Variants in HELZ observed in about 807,000 individuals in gnomAD.
The protein encoded by HELZ is ATP-dependent RNA helicase with zinc finger domain.
A neutral mutation model predicts 218.2 loss-of-function variants in HELZ; 23 were observed. The ratio of observed to expected loss-of-function variants is 0.11; its 90% CI spans 0.08 to 0.15. HELZ has a LOEUF of 0.15. Ranked by LOEUF, HELZ falls within the 10% of genes least tolerant of loss-of-function variation. The probability of loss-of-function intolerance (pLI) is 1.00; values close to 1 mark genes in which losing one functional copy is unlikely to be tolerated. For synonymous variants in HELZ, 814 were observed against 829.4 expected (o/e 0.98, Z 0.32); for missense variants, 1,813 against 2,353.7 (o/e 0.77, Z 4.75).
At chr17:67,104,038 C>G (rs535638605) in intron 31 of HELZ, among the ~76,000 whole-genome samples, 2 of 152,270 alleles carry the variant, frequency 1.3e-5, no homozygotes, top group South Asian at 4.1e-4. Context: ...TGTATGGCCA[C>G]ATGCAAAAGA....
At position 67,178,665 on chromosome 17, in the gene HELZ, A is replaced by C. The variant is rs755104634; in HGVS notation, c.1424T>G (p.Ile475Ser). 1.7e-5 allele frequency: 27 copies of C among 1,602,394 alleles called. No individual in the cohort carries two copies. The highest frequency in any genetic ancestry group is 2.1e-5 in the Non-Finnish European group (25 of 1,175,050). Residue 475 changes from isoleucine to serine, a missense_variant, in exon 13 of 33, where the codon ATC becomes AGC. Ile to Ser is a moderately radical substitution (Grantham distance 142, BLOSUM62 -2). Around this residue, in one of 4 missense-constraint regions of HELZ, gnomAD observed 714 missense variants for 1,029.2 expected, o/e 0.69. Transcript: ENST00000358691. ...YIEEIAQYKE[I>S]SKFNLKVQLQ... ...TGTTTCTAAAGTAACTTACTTGCTG[A>C]TTTCTTTATACTGGGCTATCTCCTC...
At chr17:67,105,666 G>A (rs150263083) in intron 31 of HELZ, among the ~76,000 whole-genome samples, 8 of 152,222 alleles carry the variant, frequency 5.3e-5, no homozygotes, top group African/African-American at 1.9e-4. Flanking sequence ...TTACATTACT[G>A]ATCAGTTGTA....
At chr17:67,084,718 A>G (rs2143565677) in intron 32 of HELZ, among the ~76,000 whole-genome samples, 1 of 152,278 alleles carries the variant, frequency 6.6e-6, no homozygotes, top group African/African-American at 2.4e-5. Flanking sequence ...TCGTAAAAAA[A>G]TTATAATAAA....
chr17:67,234,103 G>A (rs1697425272), intron 3 of HELZ, among the ~76,000 whole-genome samples: 1 of 149,808 alleles, frequency 6.7e-6, no homozygotes, highest in African/African-American at 2.5e-5. Flanking sequence ...GTAGGTGGAT[G>A]GCTTGAGCTC....
chr17:67,113,710 A>T (rs1245457695), intron 28 of HELZ, among the ~76,000 whole-genome samples: 1 of 152,232 alleles, frequency 6.6e-6, no homozygotes, highest in Non-Finnish European at 1.5e-5. Flanking sequence ...CAATAGGATA[A>T]TAGAATGTGG....
At chr17:67,206,206 T>C (rs938910834) in intron 5 of HELZ, among the ~76,000 whole-genome samples, 1 of 152,384 alleles carries the variant, frequency 6.6e-6, no homozygotes, top group African/African-American at 2.4e-5. Flanking sequence ...CCATCAACTA[T>C]GTGTGAGAGT....
intron 5 of HELZ, among the ~76,000 whole-genome samples, chr17:67,206,727 G>A (rs1007828290): frequency 6.6e-6 from 1 of 151,290 alleles, no homozygotes; most frequent in Non-Finnish European, 1.5e-5. Flanking sequence ...AGCCTCCCGA[G>A]TAGCTGGGAT....
intron 24 of HELZ, among the ~76,000 whole-genome samples, chr17:67,127,139 C>A (rs1459903145): frequency 6.6e-6 from 1 of 152,092 alleles, no homozygotes; most frequent in Non-Finnish European, 1.5e-5. Context: ...CTCCACCCAC[C>A]CAATAAACTT....
rs1163610407 is a variant in HELZ at position 67,070,577 on chromosome 17, T to G, written c.*7675A>C. 1 of 152,148 alleles carries G rather than the reference T, an allele frequency of 6.6e-6. No individual in the cohort carries two copies. The highest frequency in any genetic ancestry group is 1.5e-5 in the Non-Finnish European group (1 of 68,018). The allele number at this position is 152,148 out of a possible 1,614,324, so 9.4% of individuals were successfully genotyped here. A position where few individuals can be genotyped will look rare whatever the true frequency, so the allele number is the denominator to read the frequency against. The stretch of plus-strand genomic sequence containing the variant: ...ACTGTAGGAACTGTAGACCCCAAGT[T>G]GAAAACTTGTTCTATGGAACCAAAG... On this transcript the variant is annotated 3_prime_UTR_variant, in exon 33 of 33. Coordinates refer to ENST00000358691, the MANE Select transcript of HELZ (RefSeq NM_014877.4).
chr17:67,173,659 C>T (rs9891520), intron 13 of HELZ, among the ~76,000 whole-genome samples: 5,870 of 152,210 alleles, frequency 0.039, 387 homozygotes, highest in African/African-American at 0.13. Context: ...TAAAGCAGAG[C>T]GACAGAACTG....
chr17:67,194,165 T>C (rs529344199), intron 8 of HELZ, 123 bp from the exon 9 acceptor site: 8 of 673,280 alleles, frequency 1.2e-5, no homozygotes, highest in Admixed American at 8.5e-5. Flanking sequence ...AAAAAGAACA[T>C]GACATACTTG....
intron 3 of HELZ, among the ~76,000 whole-genome samples, chr17:67,223,276 A>G (rs1362530196): frequency 6.6e-6 from 1 of 151,654 alleles, no homozygotes. Context: ...GAAAAAAAGA[A>G]GATACTAAGT....
intron 23 of HELZ, among the ~76,000 whole-genome samples, chr17:67,132,715 A>G (rs927931513): frequency 1.3e-5 from 2 of 152,220 alleles, no homozygotes; most frequent in African/African-American, 4.8e-5. Context: ...TTGGTGAGAG[A>G]GGGGGAGGAT....
Position 67,120,616 on chromosome 17 carries a change from G to T in HELZ, c.3631-4C>A. 2.5e-6 allele frequency: 4 copies of T among 1,604,796 alleles called. No homozygotes were observed. The highest frequency in any genetic ancestry group is 3.4e-6 in the Non-Finnish European group (4 of 1,173,176). ...CCTGGTATCCTGTCCATGGTACCTA[G>T]GTTATTAAAAAATAAAATACATGCA... On this transcript the variant is annotated splice_region_variant and splice_polypyrimidine_tract_variant and intron_variant, in intron 26 of 32. Coordinates refer to ENST00000358691, the MANE Select transcript of HELZ (RefSeq NM_014877.4).
chr17:67,185,862 G>A (rs1427737987), intron 12 of HELZ, among the ~76,000 whole-genome samples: 1 of 152,092 alleles, frequency 6.6e-6, no homozygotes, highest in African/African-American at 2.4e-5. Flanking sequence ...ATGGTATTAT[G>A]AAAAAAGAGG....
intron 28 of HELZ, 128 bp downstream of exon 28, chr17:67,114,196 A>T: frequency 1.5e-6 from 1 of 666,608 alleles, no homozygotes; most frequent in South Asian, 1.9e-5. Flanking sequence ...GGCTCACTAT[A>T]TCCCTGTGAA....
chr17:67,099,053 T>C (rs2036840248), intron 31 of HELZ, among the ~76,000 whole-genome samples: 1 of 152,200 alleles, frequency 6.6e-6, no homozygotes, highest in Admixed American at 6.5e-5. Context: ...TCCCTTTACA[T>C]CTCTATCAAC....
At chr17:67,186,934 C>G (rs1000959906) in intron 12 of HELZ, among the ~76,000 whole-genome samples, 7 of 152,124 alleles carry the variant, frequency 4.6e-5, no homozygotes, top group African/African-American at 1.7e-4. Flanking sequence ...AACTACAACA[C>G]GAAAGTCAAA....
chr17:67,078,992 G>C (rs543431786), intron 32 of HELZ, among the ~76,000 whole-genome samples: 1 of 152,300 alleles, frequency 6.6e-6, no homozygotes, highest in South Asian at 2.1e-4. Flanking sequence ...TTTTATTACT[G>C]AGCTAAGTAA....
Sources: allele counts gnomAD v4.1 joint callset (sites outside exome capture counted in the v4.1 genomes callset), GRCh38; gene constraint gnomAD v4.1.1; regional missense constraint gnomAD v4.1.1; transcripts MANE v1.5; gene names NCBI Gene and HGNC (gene_info 2026-07-23, HGNC 2026-07-21).